Variants in CDH18 observed in about 807,000 individuals in gnomAD.
CDH18 encodes cadherin 18, also known as cadherin-18.
A neutral mutation model predicts 67.9 loss-of-function variants in CDH18; 31 were observed. The ratio of observed to expected loss-of-function variants is 0.46; its 90% confidence interval spans 0.34 to 0.62. CDH18 has a LOEUF of 0.62. Ranked by LOEUF, CDH18 falls within the 20% of genes least tolerant of loss-of-function variation. CDH18 has a pLI of 0.01. For missense variants in CDH18, 890 were observed against 975.5 expected, an observed-to-expected ratio of 0.91 and a Z score of 1.17; for synonymous variants, 362 against 347.2, an observed-to-expected ratio of 1.04 and a Z score of -0.48.
At chr5:20,304,507 T>A in intron 1 of CDH18, 1 of 1,602,128 alleles carries the variant, frequency 6.2e-7, no homozygotes, top group Middle Eastern at 1.8e-4. Flanking sequence ...TGCGAAATGG[T>A]GAAGAGACTG....
intron 2 of CDH18, among the ~76,000 whole-genome samples, chr5:20,169,501 T>C (rs912141137): frequency 4.6e-5 from 7 of 152,126 alleles, no homozygotes; most frequent in African/African-American, 1.4e-4. Context: ...GTTCCTTGAG[T>C]GGCAATAATA....
chr5:19,746,096 G>A lies in CDH18; in HGVS notation c.523+846C>T, dbSNP rs138903735. On this transcript the variant is annotated intron_variant, in intron 4 of 12. Coordinates refer to ENST00000382275, the MANE Select transcript of CDH18 (RefSeq NM_004934.5). ...AGCTTAGAGTCTCATAAAGATAGTC[G>A]AAAAGTATTATCGTAGAAGAACCAT... Among the ~76,000 whole-genome samples, 22 of 151,998 alleles carry A rather than the reference G, an allele frequency of 1.4e-4. No homozygotes were observed. The East Asian group carries it at 2.5e-3, about 17-fold the overall frequency.
intron 1 of CDH18, among the ~76,000 whole-genome samples, chr5:20,311,818 C>G (rs7712591): frequency 0.81 from 123,738 of 152,124 alleles, 50,608 homozygotes; most frequent in African/African-American, 0.9. Flanking sequence ...TTGTATGATA[C>G]TCCATTATTT....
chr5:19,912,339 A>G (rs2150141544), intron 2 of CDH18, among the ~76,000 whole-genome samples: 1 of 152,182 alleles, frequency 6.6e-6, no homozygotes, highest in East Asian at 1.9e-4. Flanking sequence ...AGGCTCTGGG[A>G]GTTTAAGGGA....
chr5:20,031,091 T>G (rs1371434617), intron 2 of CDH18, among the ~76,000 whole-genome samples: 1 of 152,116 alleles, frequency 6.6e-6, no homozygotes, highest in East Asian at 1.9e-4. Context: ...TATATCATTA[T>G]TTTTACCTGT....
intron 1 of CDH18, among the ~76,000 whole-genome samples, chr5:20,391,551 T>C (rs1157210781): frequency 6.6e-6 from 1 of 152,104 alleles, no homozygotes; most frequent in Non-Finnish European, 1.5e-5. Flanking sequence ...TATTCCTATG[T>C]TCTATTTACT....
chr5:19,854,446 A>G (rs774324932), intron 2 of CDH18, among the ~76,000 whole-genome samples: 2 of 152,190 alleles, frequency 1.3e-5, no homozygotes, highest in Admixed American at 6.6e-5. Flanking sequence ...TAATTTCAGT[A>G]GAAAACAAGA....
chr5:19,742,487 T>C (rs1309300772), intron 4 of CDH18, among the ~76,000 whole-genome samples: 2 of 151,916 alleles, frequency 1.3e-5, no homozygotes, highest in Non-Finnish European at 1.5e-5. Flanking sequence ...ATGTCAAATG[T>C]CCATTTATTT....
intron 5 of CDH18, among the ~76,000 whole-genome samples, chr5:19,670,152 G>T (rs1238953805): frequency 6.6e-6 from 1 of 152,142 alleles, no homozygotes; most frequent in African/African-American, 2.4e-5. Context: ...CATAGAACTA[G>T]CAGGAAAGGA....
rs568038995 is a variant in CDH18 at position 20,486,902 on chromosome 5, T to C, written c.-580+88560A>G. ...GATTTAAACCAGATATGGTTTTTGT[T>C]GCTGGGATGTCTCAACATGAAAACT... On this transcript the variant is annotated intron_variant, in intron 1 of 14. Transcript: ENST00000507958. Among the ~76,000 whole-genome samples the C allele has an allele frequency of 9.9e-5, 15 of 152,266 alleles. 1 individual carries two copies. The South Asian group carries it at 3.1e-3, about 32-fold the overall frequency.
chr5:19,692,447 C>T (rs1393528031), intron 5 of CDH18, among the ~76,000 whole-genome samples: 2 of 151,900 alleles, frequency 1.3e-5, no homozygotes, highest in African/African-American at 4.8e-5. Flanking sequence ...AAAGAGACAA[C>T]CTGTTTAATA....
intron 1 of CDH18, among the ~76,000 whole-genome samples, chr5:20,499,313 A>C (rs1186428786): frequency 6.6e-6 from 1 of 152,036 alleles, no homozygotes; most frequent in Non-Finnish European, 1.5e-5. Context: ...CTACAATGTA[A>C]ATGCTATGGA....
intron 9 of CDH18, among the ~76,000 whole-genome samples, chr5:19,528,520 T>C (rs1748097179): frequency 6.6e-6 from 1 of 151,650 alleles, no homozygotes; most frequent in African/African-American, 2.4e-5. Context: ...ATTTTAAATG[T>C]TTGTATAAAT....
chr5:20,178,529 G>T (rs1444778293), intron 2 of CDH18, among the ~76,000 whole-genome samples: 1 of 149,860 alleles, frequency 6.7e-6, no homozygotes, highest in Non-Finnish European at 1.5e-5. Context: ...AATACCCAGA[G>T]CAGGTGTGAG....
chr5:19,859,987 T>TGG (rs200542657), intron 2 of CDH18, among the ~76,000 whole-genome samples: 2,200 of 122,676 alleles, frequency 0.018, 73 homozygotes, highest in African/African-American at 0.061. Context: ...TTGTTTGCTT[T>TGG]GGGTGTGTGT....
At chr5:20,260,383 T>G (rs1184395939) in intron 1 of CDH18, among the ~76,000 whole-genome samples, 1 of 152,026 alleles carries the variant, frequency 6.6e-6, no homozygotes, top group African/African-American at 2.4e-5. Context: ...TAGAGAATTG[T>G]GCTCCAGGGG....
chr5:20,326,639 C>T (rs1006777077), intron 1 of CDH18, among the ~76,000 whole-genome samples: 3 of 151,202 alleles, frequency 2.0e-5, no homozygotes, highest in Non-Finnish European at 4.4e-5. Context: ...CCCGGGTTCA[C>T]GCCATTCTCC....
intron 12 of CDH18, among the ~76,000 whole-genome samples, chr5:19,476,472 A>C (rs902265723): frequency 1.1e-4 from 16 of 152,004 alleles, no homozygotes; most frequent in Non-Finnish European, 2.2e-4. Flanking sequence ...TGAACATAGG[A>C]AATATGCATT....
At chr5:19,928,276 G>A (rs1410811368) in intron 2 of CDH18, among the ~76,000 whole-genome samples, 1 of 152,118 alleles carries the variant, frequency 6.6e-6, no homozygotes, top group Non-Finnish European at 1.5e-5. Context: ...TCAGCCACAT[G>A]TTATTTGTAT....
Sources: gnomAD v4.1 joint callset for allele counts (sites outside exome capture counted in the v4.1 genomes callset) on GRCh38, gnomAD v4.1.1 for gene constraint, MANE v1.5 for transcripts, NCBI Gene and HGNC (gene_info 2026-07-23, HGNC 2026-07-21) for gene names.